Variants in OSBPL9 observed in about 807,000 individuals in gnomAD.
OSBPL9 encodes oxysterol-binding protein-related protein 9.
In OSBPL9, 40 loss-of-function variants were observed where a neutral mutation model predicts 106.6. The ratio of observed to expected loss-of-function variants is 0.38; its 90% CI spans 0.29 to 0.49. OSBPL9 has a LOEUF of 0.49. Among genes scored for constraint, OSBPL9 ranks in the 20% least tolerant of loss-of-function variants. The pLI, the probability that OSBPL9 is intolerant of heterozygous loss-of-function variation, is 0.97. For synonymous variants in OSBPL9, 269 were observed against 295.4 expected, an observed-to-expected ratio of 0.91 and a Z score of 0.92; for missense variants, 609 against 887.2, an observed-to-expected ratio of 0.69 and a Z score of 3.98.
At chr1:51,570,659 G>T in the OSBPL9 span, among the ~76,000 whole-genome samples, 2 of 152,288 alleles carry the variant, frequency 1.3e-5, no homozygotes, top group East Asian at 3.9e-4. Flanking sequence ...TACTGGTTAG[G>T]GCTCTGTTAA....
chr1:51,714,345 A>G (rs187328068), intron 4 of OSBPL9, among the ~76,000 whole-genome samples: 65 of 152,346 alleles, frequency 4.3e-4, no homozygotes, highest in African/African-American at 1.5e-3. Context: ...AAAATATGCC[A>G]GATTTATTTT....
chr1:51,750,289 C>T, intron 8 of OSBPL9, 94 bp downstream of exon 8: 1 of 771,374 alleles, frequency 1.3e-6, no homozygotes, highest in Non-Finnish European at 2.2e-6. Flanking sequence ...AGATCTGAAA[C>T]ATAGTACCTT....
intron 4 of OSBPL9, chr1:51,745,142 A>G (rs1667720587): frequency 6.0e-6 from 1 of 166,102 alleles, no homozygotes; most frequent in African/African-American, 2.4e-5. Flanking sequence ...AAGGGAAGGG[A>G]GGAATGAACT....
chr1:51,690,213 A>G (rs200001534), intron 3 of OSBPL9, among the ~76,000 whole-genome samples: 1 of 152,234 alleles, frequency 6.6e-6, no homozygotes, highest in East Asian at 1.9e-4. Context: ...ATTTACAGAT[A>G]AATTTGGTGA....
chr1:51,620,698 G>A (rs868467490), intron 1 of OSBPL9, among the ~76,000 whole-genome samples: 1 of 152,160 alleles, frequency 6.6e-6, no homozygotes, highest in Non-Finnish European at 1.5e-5. Context: ...AGATGAACTG[G>A]GGAGCTAAGC....
At chr1:51,704,293 A>G (rs1657958388) in intron 3 of OSBPL9, among the ~76,000 whole-genome samples, 1 of 152,064 alleles carries the variant, frequency 6.6e-6, no homozygotes. Context: ...GTAAGCTATT[A>G]ATTATTGCCT....
chr1:51,625,403 A>G (rs553798527), intron 1 of OSBPL9, among the ~76,000 whole-genome samples: 1 of 152,384 alleles, frequency 6.6e-6, no homozygotes, highest in Non-Finnish European at 1.5e-5. Flanking sequence ...AACAGTGTAC[A>G]AGTGATTTAG....
rs1005953851 is a variant in OSBPL9, at chr1:51,691,273, CTTTTTT to C, written c.241+21780_241+21785del. Among the ~76,000 whole-genome samples, 56 of 108,944 alleles carry C rather than the reference CTTTTTT, an allele frequency of 5.1e-4. 1 individual carries two copies. Among genetic ancestry groups the C allele is most frequent in the East Asian group, 1.1e-3 (4 of 3,624 alleles). 71.5% of individuals were successfully genotyped at this position (108,944 alleles called of 152,430 possible). On this transcript the variant is annotated intron_variant, in intron 3 of 23. Transcript: ENST00000428468. ...ATAAACTAACCTTAGCTTGCTGTAA[CTTTTTT>C]TTTTTTTTTTTTTTTTTTGAGATGG...
intron 2 of OSBPL9, among the ~76,000 whole-genome samples, chr1:51,652,765 C>T (rs1646597474): frequency 6.6e-6 from 1 of 152,134 alleles, no homozygotes; most frequent in Non-Finnish European, 1.5e-5. Flanking sequence ...AGACCTATAG[C>T]TTCATGCTGC....
chr1:51,784,009 G>T lies in OSBPL9; in HGVS notation c.1608G>T (p.Val536=). The T allele has an allele frequency of 2.5e-6, 4 of 1,611,098 alleles. No homozygotes were observed. Among genetic ancestry groups the T allele is most frequent in the Non-Finnish European group, 3.4e-6 (4 of 1,177,460 alleles). Residue 536 remains valine, a synonymous_variant, in exon 18 of 24, where the codon GTG becomes GTT. Transcript: ENST00000428468. ...AATTCCTTGGGATGTCAATTGGGGT[G>T]CACAACATAGGGCAGGGTAAGTGTG... is the stretch of plus-strand genomic sequence containing the variant. ...KSKFLGMSIG[V]HNIGQGCVSC... is the part of the protein sequence containing the mutation.
At chr1:51,704,393 A>G (rs1389914680) in intron 3 of OSBPL9, among the ~76,000 whole-genome samples, 1 of 152,114 alleles carries the variant, frequency 6.6e-6, no homozygotes, top group African/African-American at 2.4e-5. Flanking sequence ...CGAGGAATTT[A>G]TCCATTTCTT....
Position 51,772,179 on chromosome 1 carries a change from G to A in OSBPL9, c.1048G>A (p.Ala350Thr), listed in dbSNP as rs751630982. The stretch of plus-strand genomic sequence containing the variant: ...TTCCTTGTCCAATGGAACAAGTGAT[G>A]CTGGTAAGTGACCTTTGATAATTTA... ...NSSLSNGTSDADLFDSHDDRD... is the reference protein window; with the variant it reads ...NSSLSNGTSDTDLFDSHDDRD... Residue 350 changes from alanine to threonine, a missense_variant, in exon 13 of 24, where the codon GCT (alanine) becomes ACT (threonine). Physicochemically the swap from Ala to Thr is moderately conservative, Grantham distance 58. Coordinates refer to ENST00000428468, the MANE Select transcript of OSBPL9 (RefSeq NM_024586.6). 1 of 1,606,658 alleles carries A rather than the reference G, an allele frequency of 6.2e-7. No homozygotes were observed. Among genetic ancestry groups the A allele is most frequent in the Non-Finnish European group, 8.5e-7 (1 of 1,174,706 alleles).
rs752273030 is a variant in OSBPL9, at chr1:51,787,717, A to T, written c.2139A>T (p.Leu713Phe). 3.1e-6 allele frequency: 5 copies of T among 1,612,608 alleles called. No individual in the cohort carries two copies. In the East Asian group the frequency reaches 1.1e-4, roughly 36 times the overall value. Reference protein sequence around the residue: ...KEKEIQWETRLFHEDGECWVY... With the variant: ...KEKEIQWETRFFHEDGECWVY... ...AATTCTTCCTCTTTGTCTTACAGTT[A>T]TTTCATGAAGATGGAGAATGCTGGG... Residue 713 changes from leucine to phenylalanine, a missense_variant and splice_region_variant, in exon 24 of 24, where the codon TTA becomes TTT. By Grantham distance (22) the Leu-to-Phe change is conservative (BLOSUM62 0). Around this residue, in one of 5 missense-constraint regions of OSBPL9, gnomAD observed 132 missense variants for 158.1 expected, o/e 0.83. Transcript: ENST00000428468.
chr1:51,579,567 A>G (rs1645209033), intron 1 of OSBPL9, among the ~76,000 whole-genome samples: 1 of 152,120 alleles, frequency 6.6e-6, no homozygotes, highest in Admixed American at 6.5e-5. Context: ...TGTTGTCTAC[A>G]TTTTCAATGA....
chr1:51,785,179 G>A (rs1677311010), intron 20 of OSBPL9: 1 of 157,224 alleles, frequency 6.4e-6, no homozygotes, highest in Non-Finnish European at 1.4e-5. Flanking sequence ...GTTGATAGCA[G>A]CTCTCCTCCC....
At chr1:51,536,765 G>C in the OSBPL9 span, among the ~76,000 whole-genome samples, 16 of 152,226 alleles carry the variant, frequency 1.1e-4, no homozygotes, top group South Asian at 3.1e-3. Flanking sequence ...TCTCATGAAG[G>C]GATTTACATA....
chr1:51,656,964 C>T (rs985217354), intron 2 of OSBPL9, among the ~76,000 whole-genome samples: 2 of 152,110 alleles, frequency 1.3e-5, no homozygotes, highest in Admixed American at 6.6e-5. Flanking sequence ...CAGGCACCAG[C>T]GACCATGCCT....
At chr1:51,703,236 G>A (rs1267768581) in intron 3 of OSBPL9, among the ~76,000 whole-genome samples, 2 of 152,132 alleles carry the variant, frequency 1.3e-5, no homozygotes, top group Non-Finnish European at 2.9e-5. Context: ...CTTGGGCAGT[G>A]TGGCCATTTT....
chr1:51,627,481 A>G (rs1045719934), intron 1 of OSBPL9, among the ~76,000 whole-genome samples: 1 of 152,082 alleles, frequency 6.6e-6, no homozygotes, highest in Admixed American at 6.5e-5. Flanking sequence ...TGTCAGTTCT[A>G]TTCCATTGAC....
Sources: gnomAD v4.1 joint callset for allele counts (sites outside exome capture counted in the v4.1 genomes callset) on GRCh38, gnomAD v4.1.1 for gene constraint, gnomAD v4.1.1 regional missense constraint, MANE v1.5 for transcripts, NCBI Gene and HGNC (gene_info 2026-07-23, HGNC 2026-07-21) for gene names.